Variants in ETV1 observed in about 807,000 individuals in gnomAD.
ETV1 encodes ETS variant transcription factor 1.
Under a neutral mutation model 62.3 loss-of-function variants are expected in ETV1, and 27 were observed. The ratio of observed to expected loss-of-function variants is 0.43; its 90% CI spans 0.32 to 0.60. ETV1 has a LOEUF of 0.60. Ranked by LOEUF, ETV1 falls within the 20% of genes least tolerant of loss-of-function variation. The pLI, the probability that ETV1 is intolerant of heterozygous loss-of-function variation, is 0.06. For missense variants in ETV1, 605 were observed against 605.8 expected (o/e 1.00, Z 0.01); for synonymous variants, 222 against 199.6 (o/e 1.11, Z -0.94).
intron 10 of ETV1, 128 bp from the exon 11 acceptor site, chr7:13,909,828 C>A: frequency 1.3e-6 from 1 of 744,766 alleles, no homozygotes; most frequent in Non-Finnish European, 2.3e-6. Context: ...TTCCTTGAGC[C>A]CTGGACACAT....
chr7:13,982,640 T>C (rs368131562), intron 5 of ETV1, among the ~76,000 whole-genome samples: 7 of 152,086 alleles, frequency 4.6e-5, no homozygotes, highest in African/African-American at 1.7e-4. Context: ...CACACACACA[T>C]GAAATTATTG....
intron 5 of ETV1, among the ~76,000 whole-genome samples, chr7:13,983,060 T>C (rs1254280092): frequency 6.6e-6 from 1 of 151,974 alleles, no homozygotes; most frequent in Non-Finnish European, 1.5e-5. Context: ...TCGTATGATG[T>C]AATAAGCTTT....
intron 6 of ETV1, among the ~76,000 whole-genome samples, chr7:13,975,735 G>A (rs999081641): frequency 6.6e-6 from 1 of 151,932 alleles, no homozygotes; most frequent in Non-Finnish European, 1.5e-5. Context: ...TCACGCCAGT[G>A]TGACCTTCAG....
chr7:13,907,295 CA>C (rs912345032), intron 11 of ETV1, among the ~76,000 whole-genome samples: 1 of 152,114 alleles, frequency 6.6e-6, no homozygotes, highest in African/African-American at 2.4e-5. Flanking sequence ...AATTCTCTCT[CA>C]TTTTTCTTTA....
At chr7:13,988,907 G>T in intron 3 of ETV1, 101 bp downstream of exon 3, 1 of 1,516,926 alleles carries the variant, frequency 6.6e-7, no homozygotes, top group Non-Finnish European at 9.1e-7. Flanking sequence ...ATAAGTATCT[G>T]CAATCCCAAC....
chr7:13,973,407 C>T (rs994887504), intron 6 of ETV1, among the ~76,000 whole-genome samples: 5 of 152,138 alleles, frequency 3.3e-5, no homozygotes, highest in East Asian at 3.9e-4. Flanking sequence ...CCCAGACGCA[C>T]GAGAATCAAA....
At chr7:13,953,134 A>G (rs1207602903) in intron 6 of ETV1, among the ~76,000 whole-genome samples, 1 of 152,182 alleles carries the variant, frequency 6.6e-6, no homozygotes, top group Non-Finnish European at 1.5e-5. Flanking sequence ...TTGGAAACAA[A>G]TTCTGTACAG....
intron 6 of ETV1, among the ~76,000 whole-genome samples, chr7:13,941,102 C>T (rs978235992): frequency 2.6e-5 from 4 of 152,114 alleles, no homozygotes; most frequent in Admixed American, 6.5e-5. Context: ...CTCCATATAT[C>T]AAGAATACTC....
chr7:13,930,789 A>T (rs1335392510), intron 9 of ETV1, among the ~76,000 whole-genome samples: 1 of 123,996 alleles, frequency 8.1e-6, no homozygotes, highest in Non-Finnish European at 1.8e-5. Context: ...CTTTGCCACC[A>T]ATATATATTT....
intron 6 of ETV1, among the ~76,000 whole-genome samples, chr7:13,966,401 G>C (rs1434978948): frequency 6.6e-6 from 1 of 152,174 alleles, no homozygotes; most frequent in East Asian, 1.9e-4. Context: ...AGGGGGCCAA[G>C]GCGGGAGGAT....
In ETV1 at chr7:13,892,633, T is replaced by C; in HGVS notation, c.*3233A>G. On this transcript the variant is annotated 3_prime_UTR_variant, in exon 14 of 14. Coordinates refer to ENST00000430479, the MANE Select transcript of ETV1 (RefSeq NM_004956.5). ...GCCAAAGGGACTTGGCACACGTCAT[T>C]AAGTTAAGGATCTTGAGATGGAGAG... 1 of 232,426 alleles carries C rather than the reference T, an allele frequency of 4.3e-6. No individual in the cohort carries two copies. The highest frequency in any genetic ancestry group is 8.5e-6 in the Non-Finnish European group (1 of 117,536). 14.4% of individuals were successfully genotyped at this position (232,426 alleles called of 1,614,324 possible). A position where few individuals can be genotyped will look rare whatever the true frequency, so the allele number is the denominator to read the frequency against.
At chr7:13,925,131 G>T (rs751420453) in intron 9 of ETV1, among the ~76,000 whole-genome samples, 7 of 151,920 alleles carry the variant, frequency 4.6e-5, no homozygotes, top group Non-Finnish European at 1.0e-4. Flanking sequence ...TCTTATTTTA[G>T]CTATCTTCCT....
At chr7:13,925,626 C>T (rs970826226) in intron 9 of ETV1, among the ~76,000 whole-genome samples, 6 of 150,422 alleles carry the variant, frequency 4.0e-5, no homozygotes, top group Admixed American at 6.6e-5. Context: ...AGTGCGGTGG[C>T]GCGATCTCAG....
At chr7:13,955,168 G>T (rs1282305013) in intron 6 of ETV1, among the ~76,000 whole-genome samples, 1 of 152,100 alleles carries the variant, frequency 6.6e-6, no homozygotes, top group Non-Finnish European at 1.5e-5. Context: ...AAATAAATTT[G>T]AAAATGTTCT....
chr7:13,960,100 G>A (rs1789992756), intron 6 of ETV1, among the ~76,000 whole-genome samples: 1 of 151,876 alleles, frequency 6.6e-6, no homozygotes, highest in Non-Finnish European at 1.5e-5. Flanking sequence ...AGTTGCTAGT[G>A]GAGGACAATG....
intron 13 of ETV1, among the ~76,000 whole-genome samples, chr7:13,899,103 C>T (rs141252398): frequency 7.9e-4 from 121 of 152,280 alleles, no homozygotes; most frequent in African/African-American, 2.8e-3. Flanking sequence ...TTCCTGACTG[C>T]CTTATCTGTT....
At chr7:13,925,274 T>C (rs533861964) in intron 9 of ETV1, among the ~76,000 whole-genome samples, 25 of 152,276 alleles carry the variant, frequency 1.6e-4, no homozygotes, top group Non-Finnish European at 3.2e-4. Context: ...AAACACCTTA[T>C]TAATGTACAT....
intron 12 of ETV1, among the ~76,000 whole-genome samples, chr7:13,901,974 T>C (rs1782483389): frequency 6.6e-6 from 1 of 152,176 alleles, no homozygotes; most frequent in Admixed American, 6.5e-5. Flanking sequence ...TATATATCCC[T>C]ACCTCATCAC....
At chr7:13,958,015 G>T (rs746785729) in intron 6 of ETV1, among the ~76,000 whole-genome samples, 2 of 152,142 alleles carry the variant, frequency 1.3e-5, no homozygotes, top group Admixed American at 1.3e-4. Context: ...GTCAGATAAA[G>T]CCTGCTTCTC....
Sources: gnomAD v4.1 joint callset for allele counts (sites outside exome capture counted in the v4.1 genomes callset) on GRCh38, gnomAD v4.1.1 for gene constraint, MANE v1.5 for transcripts, NCBI Gene and HGNC (gene_info 2026-07-23, HGNC 2026-07-21) for gene names.